The following MGAT5 variants were observed in gnomAD, a reference collection of about 807,000 sequenced individuals.
MGAT5 encodes the protein alpha-1,6-mannosylglycoprotein 6-beta-N-acetylglucosaminyltransferase, also known as alpha-1,6-mannosylglycoprotein 6-beta-N-acetylglucosaminyltransferase A.
MGAT5 carries 30 observed loss-of-function variants against 94.3 expected under a neutral mutation model. The observed-to-expected ratio is 0.32, with a 90% confidence interval of 0.24 to 0.43. MGAT5 has a LOEUF of 0.43. Among genes scored for constraint, MGAT5 ranks in the 20% least tolerant of loss-of-function variants. The pLI is 1.00. For synonymous variants in MGAT5, 310 were observed against 322.9 expected, an observed-to-expected ratio of 0.96 and a Z score of 0.43; for missense variants, 691 against 905.5, an observed-to-expected ratio of 0.76 and a Z score of 3.04.
chr2:134,377,072 T>C (rs1681228979), intron 10 of MGAT5, among the ~76,000 whole-genome samples: 1 of 152,244 alleles, frequency 6.6e-6, no homozygotes, highest in Non-Finnish European at 1.5e-5. Context: ...CTTTGCAAAC[T>C]GTCACAAGCT....
intron 10 of MGAT5, among the ~76,000 whole-genome samples, chr2:134,401,264 T>C (rs1326097140): frequency 3.3e-5 from 5 of 152,206 alleles, no homozygotes; most frequent in Non-Finnish European, 7.3e-5. Context: ...CAGAACTTGT[T>C]ATCTGGCTCG....
chr2:134,413,824 A>G (rs1012866849), intron 12 of MGAT5, among the ~76,000 whole-genome samples: 1 of 152,196 alleles, frequency 6.6e-6, no homozygotes, highest in African/African-American at 2.4e-5. Flanking sequence ...GATTACATTG[A>G]TTAGCATCCG....
At chr2:134,360,970 G>A (rs1322647336) in intron 9 of MGAT5, among the ~76,000 whole-genome samples, 4 of 152,190 alleles carry the variant, frequency 2.6e-5, no homozygotes, top group Admixed American at 6.5e-5. Context: ...TACATGGCTC[G>A]TGCATTTCCA....
At chr2:134,439,698 A>G (rs1351444379) in intron 14 of MGAT5, among the ~76,000 whole-genome samples, 1 of 152,132 alleles carries the variant, frequency 6.6e-6, no homozygotes, top group East Asian at 1.9e-4. Flanking sequence ...CTTCGTCTCA[A>G]AAATATATCT....
chr2:134,365,915 C>T (rs1680399022), intron 10 of MGAT5, among the ~76,000 whole-genome samples: 1 of 151,926 alleles, frequency 6.6e-6, no homozygotes. Flanking sequence ...GATTCATGAC[C>T]AAGGTACTCA....
At position 134,270,373 on chromosome 2, in the gene MGAT5, C is replaced by T. The variant is rs758285181; in HGVS notation, c.242-13C>T. On this transcript the variant is annotated splice_polypyrimidine_tract_variant and intron_variant, in intron 1 of 15. Transcript: ENST00000281923. ...CCATAGAATTTTAAAATTGTCTGCACTTTCTTTTACAGATCTGAAGAAAAC... is the reference window on the plus strand; with the variant it reads ...CCATAGAATTTTAAAATTGTCTGCATTTTCTTTTACAGATCTGAAGAAAAC... 6.2e-7 allele frequency: 1 copy of T among 1,612,128 alleles called. No homozygotes were observed. The highest frequency in any genetic ancestry group is 8.5e-7 in the Non-Finnish European group (1 of 1,178,648).
At chr2:134,303,575 A>AC (rs139929759) in intron 2 of MGAT5, among the ~76,000 whole-genome samples, 2,646 of 152,168 alleles carry the variant, frequency 0.017, 88 homozygotes, top group African/African-American at 0.06. Flanking sequence ...CTGGGGTTTC[A>AC]TGGAAAGCCT....
intron 10 of MGAT5, among the ~76,000 whole-genome samples, chr2:134,378,955 C>T (rs1232413758): frequency 2.0e-5 from 3 of 152,148 alleles, no homozygotes; most frequent in African/African-American, 4.8e-5. Context: ...GCATTCAGTG[C>T]AGTTCCTGGC....
intron 2 of MGAT5, among the ~76,000 whole-genome samples, chr2:134,290,255 C>T (rs948845115): frequency 3.9e-5 from 6 of 152,178 alleles, no homozygotes; most frequent in Non-Finnish European, 8.8e-5. Context: ...TATTGTTGTG[C>T]GTTCTTAGTT....
At chr2:134,323,573 G>T (rs138620864) in intron 4 of MGAT5, among the ~76,000 whole-genome samples, 2 of 152,156 alleles carry the variant, frequency 1.3e-5, no homozygotes, top group Non-Finnish European at 2.9e-5. Context: ...TGCACTTTTT[G>T]TTCCTGCTGT....
chr2:134,395,249 A>G (rs1682639461), intron 10 of MGAT5, among the ~76,000 whole-genome samples: 1 of 152,264 alleles, frequency 6.6e-6, no homozygotes, highest in South Asian at 2.1e-4. Context: ...TAAAGCAGAA[A>G]GGAGGTCATG....
At chr2:134,221,084 A>G (rs564798845) in intron 1 of MGAT5, among the ~76,000 whole-genome samples, 1 of 152,268 alleles carries the variant, frequency 6.6e-6, no homozygotes, top group South Asian at 2.1e-4. Flanking sequence ...GTGTTGACAA[A>G]AAGAGTCAAA....
At chr2:134,407,097 T>C (rs1300726401) in intron 11 of MGAT5, among the ~76,000 whole-genome samples, 1 of 152,190 alleles carries the variant, frequency 6.6e-6, no homozygotes, top group Non-Finnish European at 1.5e-5. Context: ...TTTCTTCCTG[T>C]TCTCGTATAC....
intron 1 of MGAT5, among the ~76,000 whole-genome samples, chr2:134,202,577 G>T (rs1470605200): frequency 6.6e-6 from 1 of 152,260 alleles, no homozygotes; most frequent in Non-Finnish European, 1.5e-5. Flanking sequence ...TTAGCATTCA[G>T]AAGTGTTGCC....
intron 10 of MGAT5, among the ~76,000 whole-genome samples, chr2:134,391,685 T>C (rs7594593): frequency 0.97 from 148,238 of 152,316 alleles, 72,213 homozygotes; most frequent in East Asian, 1. Context: ...AGGATTTCAA[T>C]AGCGGGGATA....
intron 10 of MGAT5, among the ~76,000 whole-genome samples, chr2:134,401,909 G>A (rs1041464301): frequency 6.6e-6 from 1 of 152,152 alleles, no homozygotes; most frequent in Non-Finnish European, 1.5e-5. Context: ...GGCAGTGAAT[G>A]GCAGAGACCA....
chr2:134,159,922 G>A (rs540938080), intron 1 of MGAT5, among the ~76,000 whole-genome samples: 1 of 152,244 alleles, frequency 6.6e-6, no homozygotes, highest in African/African-American at 2.4e-5. Flanking sequence ...AGTTCCTTAT[G>A]GGATTCTAAC....
At chr2:134,193,455 C>A (rs1302281110) in intron 1 of MGAT5, among the ~76,000 whole-genome samples, 1 of 152,176 alleles carries the variant, frequency 6.6e-6, no homozygotes, top group East Asian at 1.9e-4. Context: ...GGGGGAGAAC[C>A]TGGCAAAATG....
chr2:134,193,107 TTTTTA>T (rs1258586498), intron 1 of MGAT5, among the ~76,000 whole-genome samples: 8 of 148,430 alleles, frequency 5.4e-5, no homozygotes, highest in African/African-American at 2.0e-4. Context: ...GGTTACTTTA[TTTTTA>T]TTTTTATTTT....
Sources: allele counts gnomAD v4.1 joint callset (sites outside exome capture counted in the v4.1 genomes callset), GRCh38; gene constraint gnomAD v4.1.1; transcripts MANE v1.5; gene names NCBI Gene and HGNC (gene_info 2026-07-23, HGNC 2026-07-21).